The following NKX2-2 variants were observed in gnomAD, a reference collection of about 807,000 sequenced individuals.
NKX2-2 encodes the protein homeobox protein Nkx-2.2.
A neutral mutation model predicts 24.6 loss-of-function variants in NKX2-2; 8 were observed. The observed-to-expected ratio is 0.32, with a 90% CI of 0.19 to 0.59. The LOEUF (loss-of-function observed/expected upper bound fraction) is 0.59. NKX2-2 is among the 20% of genes least tolerant of loss of function. The pLI, the probability that NKX2-2 is intolerant of heterozygous loss-of-function variation, is 0.86. For synonymous variants in NKX2-2, 217 were observed against 173.3 expected, an observed-to-expected ratio of 1.25 and a Z score of -1.98; for missense variants, 381 against 373.9, an observed-to-expected ratio of 1.02 and a Z score of -0.16.
At chr20:21,519,019 G>C (rs1174508981), upstream of NKX2-2, among the ~76,000 whole-genome samples, 1 of 152,134 alleles carries the variant, frequency 6.6e-6, no homozygotes, top group East Asian at 1.9e-4. Context: ...AAAGTCTTCG[G>C]GGGTAGGGGT....
chr20:21,515,607 G>T (rs1209778444), upstream of NKX2-2, among the ~76,000 whole-genome samples: 4 of 151,258 alleles, frequency 2.6e-5, 1 homozygote, highest in South Asian at 6.3e-4. Flanking sequence ...TGGGGGGGGG[G>T]TGCAGGGGTG....
At position 21,513,840 on chromosome 20, in the gene NKX2-2, A is replaced by G. The variant is rs1221092197; in HGVS notation, c.-171T>C. ...ATAATTATTATTTTTAAAAAGAGAA[A>G]GAAACTGGGGATGGGGAGGAAAAAA... On this transcript the variant is annotated 5_prime_UTR_variant, in exon 1 of 2. Coordinates refer to ENST00000377142, the MANE Select transcript of NKX2-2 (RefSeq NM_002509.4). This position sits in a 1 kb window ranked among gnomAD's most constrained non-coding sequence, Gnocchi z 4.6. 4 of 506,980 alleles carry G rather than the reference A, an allele frequency of 7.9e-6. No homozygotes were observed. The highest frequency in any genetic ancestry group is 1.3e-5 in the Non-Finnish European group (4 of 303,836). The allele number at this position is 506,980 out of a possible 1,614,324, so 31.4% of individuals were successfully genotyped here.
chr20:21,520,840 C>T, the NKX2-2 span, among the ~76,000 whole-genome samples: 1 of 152,214 alleles, frequency 6.6e-6, no homozygotes, highest in Non-Finnish European at 1.5e-5. Flanking sequence ...TTCTTTCAGC[C>T]AAGCCCGACC....
chr20:21,511,791 G>A lies in NKX2-2; in HGVS notation c.*132C>T. On this transcript the variant is annotated 3_prime_UTR_variant, in exon 2 of 2. Transcript: ENST00000377142. ...CTCCCGGCGCCTCCCTAGTGGAGCC[G>A]AGAGTCAACTCGACTCCATAATAAT... 4.3e-6 allele frequency: 3 copies of A among 694,228 alleles called. No homozygotes were observed. Among genetic ancestry groups the A allele is most frequent in the South Asian group, 6.2e-5 (2 of 32,270 alleles). The allele number at this position is 694,228 out of a possible 1,614,324, so 43.0% of individuals were successfully genotyped here.
In NKX2-2 at chr20:21,511,574, C is replaced by G; in HGVS notation, c.*349G>C. The G allele has an allele frequency of 7.7e-5, 16 of 207,682 alleles. No homozygotes were observed. Among genetic ancestry groups the G allele is most frequent in the Non-Finnish European group, 9.5e-5 (10 of 105,386 alleles). The allele number at this position is 207,682 out of a possible 1,614,324, so 12.9% of individuals were successfully genotyped here. A position where few individuals can be genotyped will look rare whatever the true frequency, so the allele number is the denominator to read the frequency against. ...ACGAAAGCAGGGGTGGGGGGTCGGT[C>G]TTTTTCTCGTTTTCAAGTGACGACA... On this transcript the variant is annotated 3_prime_UTR_variant, in exon 2 of 2. Transcript: ENST00000377142.
chr20:21,512,747 G>T (rs1195333456), intron 1 of NKX2-2, among the ~76,000 whole-genome samples: 3 of 151,618 alleles, frequency 2.0e-5, no homozygotes, highest in Admixed American at 6.6e-5. Flanking sequence ...GTGAGAATTT[G>T]GGGGGGGAAG....
chr20:21,518,266 A>G (rs1980689472), upstream of NKX2-2, among the ~76,000 whole-genome samples: 1 of 152,178 alleles, frequency 6.6e-6, no homozygotes, highest in South Asian at 2.1e-4. Context: ...TAACCTGAAC[A>G]GCTGGACCCC....
upstream of NKX2-2, among the ~76,000 whole-genome samples, chr20:21,517,181 G>A (rs1005930753): frequency 6.6e-6 from 1 of 152,178 alleles, no homozygotes; most frequent in Non-Finnish European, 1.5e-5. Flanking sequence ...ATGACCAGCC[G>A]AATCCTTCTG....
At chr20:21,515,752 C>A (rs1047623018), upstream of NKX2-2, among the ~76,000 whole-genome samples, 3 of 152,118 alleles carry the variant, frequency 2.0e-5, no homozygotes, top group Non-Finnish European at 2.9e-5. Context: ...CTCCTCCGCG[C>A]GGGCCAAGCT....
At chr20:21,514,897 G>T (rs1980581390), upstream of NKX2-2, among the ~76,000 whole-genome samples, 1 of 152,100 alleles carries the variant, frequency 6.6e-6, no homozygotes, top group Admixed American at 6.5e-5. Flanking sequence ...CCACCACCAA[G>T]CGACCCGCCC....
chr20:21,516,099 C>T (rs1980631789), upstream of NKX2-2, among the ~76,000 whole-genome samples: 1 of 152,136 alleles, frequency 6.6e-6, no homozygotes, highest in African/African-American at 2.4e-5. Context: ...ATTTCAGTGG[C>T]GAAATAATAC....
upstream of NKX2-2, among the ~76,000 whole-genome samples, chr20:21,517,049 G>A (rs1258723065): frequency 6.6e-6 from 1 of 152,212 alleles, no homozygotes; most frequent in African/African-American, 2.4e-5. Flanking sequence ...GCTTTCCTAG[G>A]GGAATCCTGG....
the NKX2-2 span, among the ~76,000 whole-genome samples, chr20:21,520,211 T>C: frequency 2.0e-5 from 3 of 151,770 alleles, no homozygotes; most frequent in African/African-American, 2.4e-5. Context: ...GGGAACCCCA[T>C]TGATGCCACG....
chr20:21,512,013 G>A lies in NKX2-2; in HGVS notation c.732C>T (p.His244=). The A allele has an allele frequency of 6.2e-7, 1 of 1,613,538 alleles. No individual in the cohort carries two copies. The change falls in exon 2 of 2, where the codon CAC becomes CAT. Residue 244 remains histidine (H), a synonymous_variant. Transcript: ENST00000377142. ...AGCTGTACTGGGCGTTGTACTGCAT[G>A]TGCTGCAGCGACTGCGCGCTGTAGG... The part of the protein sequence containing the change: ...FSAYSAQSLQ[H]MQYNAQYSSA...
At chr20:21,519,878 C>G in the NKX2-2 span, among the ~76,000 whole-genome samples, 1 of 152,130 alleles carries the variant, frequency 6.6e-6, no homozygotes, top group Admixed American at 6.5e-5. Flanking sequence ...TTTGGAGAGG[C>G]CAGACCGTGC....
At chr20:21,518,777 A>T (rs1980702122), upstream of NKX2-2, among the ~76,000 whole-genome samples, 1 of 152,192 alleles carries the variant, frequency 6.6e-6, no homozygotes, top group African/African-American at 2.4e-5. Context: ...CAAACCAGGC[A>T]AGAAAGGAAG....
chr20:21,522,309 C>T, the NKX2-2 span, among the ~76,000 whole-genome samples: 1 of 152,210 alleles, frequency 6.6e-6, no homozygotes, highest in South Asian at 2.1e-4. Flanking sequence ...ACCCGAGCTC[C>T]GGCGCCGCTC....
At chr20:21,522,537 C>G in the NKX2-2 span, among the ~76,000 whole-genome samples, 1 of 152,094 alleles carries the variant, frequency 6.6e-6, no homozygotes, top group Admixed American at 6.5e-5. Flanking sequence ...CCGCGTTCAC[C>G]GGAAACGCGT....
chr20:21,513,727 G>A lies in NKX2-2; in HGVS notation c.-58C>T, dbSNP rs1444630110. The A allele has an allele frequency of 1.7e-6, 2 of 1,189,394 alleles. No individual in the cohort carries two copies. Among genetic ancestry groups the A allele is most frequent in the African/African-American group, 3.4e-5 (2 of 59,568 alleles). The allele number at this position is 1,189,394 out of a possible 1,614,324, so 73.7% of individuals were successfully genotyped here. The stretch of plus-strand genomic sequence containing the variant: ...TGTAGCTTCACTTGGTCAATTCGTG[G>A]CGCTCCCCTGCCCCGGCGGGCGGGG... On this transcript the variant is annotated 5_prime_UTR_variant, in exon 1 of 2. Transcript: ENST00000377142. The surrounding 1 kb of genome is among the most constrained non-coding windows in gnomAD (Gnocchi z 4.6).
Sources: allele counts gnomAD v4.1 joint callset (sites outside exome capture counted in the v4.1 genomes callset), GRCh38; gene constraint gnomAD v4.1.1; non-coding constraint Gnocchi (gnomAD v3.1); transcripts MANE v1.5; gene names NCBI Gene and HGNC (gene_info 2026-07-23, HGNC 2026-07-21).